Variants in FIG4 observed in about 807,000 individuals in gnomAD.
FIG4 encodes polyphosphoinositide phosphatase.
In FIG4, 112 loss-of-function variants were observed where a neutral mutation model predicts 118.6. The ratio of observed to expected loss-of-function variants is 0.94; its 90% CI spans 0.81 to 1.11. The LOEUF (loss-of-function observed/expected upper bound fraction) is 1.11, where lower values mean the gene tolerates loss of function less well. Among genes scored for constraint, FIG4 ranks in the 50% least tolerant of loss-of-function variants. The pLI, the probability that FIG4 is intolerant of heterozygous loss-of-function variation, is 0.00. For missense variants in FIG4, 969 were observed against 1,111.7 expected (o/e 0.87, Z 1.83); for synonymous variants, 369 against 381.2 (o/e 0.97, Z 0.37).
chr6:109,791,441 C>G lies in FIG4; in HGVS notation c.2246C>G (p.Pro749Arg). ...ACGGCAGCCAGCGCCCCGCCGCCCC[C>G]CAGCGAGGAGGCTGTGTCCAGCAGC... ...RKTAASAPPPPSEEAVSSSSE... is the reference protein window; with the variant it reads ...RKTAASAPPPRSEEAVSSSSE... Residue 749 changes from proline to arginine, a missense_variant, in exon 20 of 23, where the codon CCC becomes CGC. This residue lies in a region of FIG4 where 330 missense variants were observed against 348.1 expected (regional missense o/e 0.95). Transcript: ENST00000230124. 2.5e-6 allele frequency: 4 copies of G among 1,613,840 alleles called. No individual in the cohort carries two copies. The highest frequency in any genetic ancestry group is 1.3e-5 in the African/African-American group (1 of 75,064).
At chr6:109,725,086 G>A (rs991832862) in intron 3 of FIG4, among the ~76,000 whole-genome samples, 1 of 152,034 alleles carries the variant, frequency 6.6e-6, no homozygotes, top group East Asian at 1.9e-4. Context: ...AAATTGTTTA[G>A]AGTAATTTTT....
chr6:109,786,432 T>A lies in FIG4; in HGVS notation c.2079T>A (p.Ala693=), dbSNP rs892211116. ...LSSFDDTFCL[A]MTSSARDFMP... ...GCTTTGATGATACCTTTTGCTTGGC[T>A]ATGACAAGCTCAGCACGGTATGTTG... Residue 693 remains alanine (A), a synonymous_variant, in exon 18 of 23, where the codon GCT becomes GCA. Coordinates refer to ENST00000230124, the MANE Select transcript of FIG4 (RefSeq NM_014845.6). 2 of 1,613,958 alleles carry A rather than the reference T, an allele frequency of 1.2e-6. No individual in the cohort carries two copies. The highest frequency in any genetic ancestry group is 8.5e-7 in the Non-Finnish European group (1 of 1,179,806).
intron 10 of FIG4, among the ~76,000 whole-genome samples, chr6:109,751,805 T>A (rs1776708952): frequency 1.5e-4 from 1 of 6,642 alleles, no homozygotes; most frequent in Admixed American, 1.2e-3. Context: ...TCTTCTCTCT[T>A]TTTTTCTTTT....
At chr6:109,800,534 T>C (rs1441127581) in intron 22 of FIG4, among the ~76,000 whole-genome samples, 1 of 152,172 alleles carries the variant, frequency 6.6e-6, no homozygotes, top group African/African-American at 2.4e-5. Context: ...GCTGACATTA[T>C]TGTAATCTTA....
chr6:109,773,582 AT>A lies in FIG4; in HGVS notation c.1751-3339del, dbSNP rs202209814. ...TTGTTGGTTATACCTCCAAAATAAT[AT>A]CTTCTGTGTTTCATCCCTACTTCTG... On this transcript the variant is annotated intron_variant, in intron 15 of 22. Coordinates refer to ENST00000230124, the MANE Select transcript of FIG4 (RefSeq NM_014845.6). Among the ~76,000 whole-genome samples the A allele has an allele frequency of 3.4e-3, 513 of 152,260 alleles. 3 individuals carry two copies. Among genetic ancestry groups the A allele is most frequent in the Middle Eastern group, 0.017 (5 of 294 alleles).
At chr6:109,786,016 G>A (rs887881317) in intron 17 of FIG4, 10 of 410,300 alleles carry the variant, frequency 2.4e-5, no homozygotes, top group African/African-American at 1.0e-4. Flanking sequence ...GAGCAAAAAG[G>A]AATTTAAAGA....
intron 11 of FIG4, among the ~76,000 whole-genome samples, chr6:109,761,197 A>G (rs937282511): frequency 6.6e-6 from 1 of 151,910 alleles, no homozygotes; most frequent in Non-Finnish European, 1.5e-5. Context: ...TATTTTTTTA[A>G]TTATCATTTT....
chr6:109,708,275 C>G (rs960557668), intron 1 of FIG4, among the ~76,000 whole-genome samples: 1 of 152,174 alleles, frequency 6.6e-6, no homozygotes, highest in Non-Finnish European at 1.5e-5. Flanking sequence ...ATAATGGCCT[C>G]CAGCTCCATC....
intron 21 of FIG4, among the ~76,000 whole-genome samples, chr6:109,796,290 A>C (rs1778284974): frequency 6.6e-6 from 1 of 152,178 alleles, no homozygotes. Flanking sequence ...GGCTCTTAGC[A>C]GTGTCCCTGC....
intron 14 of FIG4, among the ~76,000 whole-genome samples, chr6:109,765,928 T>C (rs945051182): frequency 1.3e-5 from 2 of 152,198 alleles, no homozygotes; most frequent in African/African-American, 4.8e-5. Flanking sequence ...ACTGGAAATA[T>C]TAACAGACAC....
intron 1 of FIG4, among the ~76,000 whole-genome samples, chr6:109,694,514 G>A (rs1041827992): frequency 1.3e-5 from 2 of 152,190 alleles, no homozygotes; most frequent in African/African-American, 4.8e-5. Context: ...AATGCTTCAG[G>A]ATATTGGTCT....
chr6:109,792,562 T>TC lies in FIG4; in HGVS notation c.2377-20_2377-19insC, dbSNP rs201752617. 0.055 allele frequency: 61,123 copies of TC among 1,120,010 alleles called. 1,040 individuals carry two copies. The highest frequency in any genetic ancestry group is 0.14 in the South Asian group (9,201 of 63,800). 69.4% of individuals were successfully genotyped at this position (1,120,010 alleles called of 1,614,324 possible). A position where few individuals can be genotyped will look rare whatever the true frequency, so the allele number is the denominator to read the frequency against. ...TCTAAAAATTCTTCCTGGTTCTTCT[T>TC]TTTTTTTTTTAAACCCCAGAATGTG... On this transcript the variant is annotated intron_variant, in intron 20 of 22. Transcript: ENST00000230124.
chr6:109,762,001 T>C, intron 11 of FIG4, 90 bp from the exon 12 acceptor site: 1 of 780,810 alleles, frequency 1.3e-6, no homozygotes, highest in Non-Finnish European at 2.3e-6. Context: ...TTAAGTATCA[T>C]TGCTATAGAC....
intron 3 of FIG4, among the ~76,000 whole-genome samples, chr6:109,721,469 ATAC>A (rs1273227799): frequency 6.6e-6 from 1 of 152,160 alleles, no homozygotes; most frequent in African/African-American, 2.4e-5. Context: ...CCAGAATTGC[ATAC>A]TACTCCATTC....
intron 10 of FIG4, among the ~76,000 whole-genome samples, chr6:109,755,096 A>C (rs953732909): frequency 2.7e-5 from 4 of 150,752 alleles, no homozygotes; most frequent in African/African-American, 7.3e-5. Context: ...TTCACTCTGC[A>C]CACTGCTTTG....
rs571649446 is a variant in FIG4 at position 109,795,095 on chromosome 6, G to GTTTTTTTTTTTT, written c.2460-1641_2460-1630dup. On this transcript the variant is annotated intron_variant, in intron 21 of 22. Transcript: ENST00000230124. ...TCCTCAAAGCTTCATACACTTGCCA[G>GTTTTTTTTTTTT]TTTTTTTTTTTTTTTTTTTTTTTTT... is the stretch of plus-strand genomic sequence containing the variant. Among the ~76,000 whole-genome samples the GTTTTTTTTTTTT allele has an allele frequency of 1.3e-3, 75 of 57,250 alleles. 24 individuals carry two copies. Among genetic ancestry groups the GTTTTTTTTTTTT allele is most frequent in the Non-Finnish European group, 2.3e-3 (67 of 28,708 alleles). 37.6% of individuals were successfully genotyped at this position (57,250 alleles called of 152,430 possible). A position where few individuals can be genotyped will look rare whatever the true frequency, so the allele number is the denominator to read the frequency against.
intron 1 of FIG4, among the ~76,000 whole-genome samples, chr6:109,695,562 G>T (rs555149863): frequency 6.8e-6 from 1 of 146,016 alleles, no homozygotes; most frequent in Non-Finnish European, 1.5e-5. Context: ...GAAAGTCAAC[G>T]AGCAAAATGC....
At chr6:109,733,764 T>G (rs2128385406) in intron 5 of FIG4, among the ~76,000 whole-genome samples, 2 of 152,168 alleles carry the variant, frequency 1.3e-5, no homozygotes, top group South Asian at 4.1e-4. Flanking sequence ...GTTTTCAGTC[T>G]TTATGCCTAA....
intron 10 of FIG4, among the ~76,000 whole-genome samples, chr6:109,751,803 CT>C (rs66617515): frequency 0.8 from 117,253 of 146,614 alleles, 46,982 homozygotes; most frequent in African/African-American, 0.89. Context: ...ATTCTTCTCT[CT>C]TTTTTTCTTT....
Sources: allele counts gnomAD v4.1 joint callset (sites outside exome capture counted in the v4.1 genomes callset), GRCh38; gene constraint gnomAD v4.1.1; regional missense constraint gnomAD v4.1.1; transcripts MANE v1.5; gene names NCBI Gene and HGNC (gene_info 2026-07-23, HGNC 2026-07-21).